Variants in CFAP44 observed in about 807,000 individuals in gnomAD.
The protein encoded by CFAP44 is cilia- and flagella-associated protein 44.
In CFAP44, 134 loss-of-function variants were observed where a neutral mutation model predicts 216.2. The observed-to-expected ratio is 0.62, with a 90% CI of 0.54 to 0.72. The LOEUF (loss-of-function observed/expected upper bound fraction) is 0.72, where lower values mean the gene tolerates loss of function less well. Ranked by LOEUF, CFAP44 falls within the 30% of genes least tolerant of loss-of-function variation. The probability of loss-of-function intolerance (pLI) is 0.00; values close to 1 mark genes in which losing one functional copy is unlikely to be tolerated. For synonymous variants in CFAP44, 700 were observed against 727.6 expected (o/e 0.96, Z 0.61); for missense variants, 2,035 against 2,182.1 (o/e 0.93, Z 1.34).
intron 17 of CFAP44, among the ~76,000 whole-genome samples, chr3:113,376,411 T>G (rs975812816): frequency 6.6e-6 from 1 of 152,188 alleles, no homozygotes; most frequent in Admixed American, 6.5e-5. Context: ...ATAAGTGATA[T>G]TTAAAGCCAT....
chr3:113,345,094 T>C (rs1187438209), intron 22 of CFAP44, among the ~76,000 whole-genome samples: 3 of 148,436 alleles, frequency 2.0e-5, no homozygotes, highest in Non-Finnish European at 4.5e-5. Flanking sequence ...TTATATATTA[T>C]GTATATATAT....
intron 28 of CFAP44, among the ~76,000 whole-genome samples, chr3:113,319,417 G>T (rs1950120865): frequency 6.6e-6 from 1 of 151,388 alleles, no homozygotes; most frequent in Non-Finnish European, 1.5e-5. Context: ...CCCAACATTG[G>T]AGCACCCAGA....
chr3:113,373,850 C>A (rs1559927754), intron 17 of CFAP44, among the ~76,000 whole-genome samples: 1 of 152,074 alleles, frequency 6.6e-6, no homozygotes, highest in Non-Finnish European at 1.5e-5. Context: ...CATTTTATTT[C>A]TTCAAGCATT....
chr3:113,298,829 C>T (rs941619155), intron 32 of CFAP44, among the ~76,000 whole-genome samples: 4 of 151,936 alleles, frequency 2.6e-5, no homozygotes, highest in African/African-American at 7.3e-5. Context: ...TTTCCTGGAG[C>T]GGAGGGAGAG....
At chr3:113,424,639 C>A (rs1056752899) in intron 4 of CFAP44, among the ~76,000 whole-genome samples, 4 of 152,136 alleles carry the variant, frequency 2.6e-5, no homozygotes, top group African/African-American at 9.7e-5. Context: ...GCCATCCCAG[C>A]AAGGCAGAAT....
At chr3:113,357,022 T>C (rs183662849) in intron 22 of CFAP44, among the ~76,000 whole-genome samples, 82 of 152,250 alleles carry the variant, frequency 5.4e-4, no homozygotes, top group Admixed American at 3.9e-4. Context: ...CCAGAAGATA[T>C]ACATAATTCC....
At chr3:113,349,317 G>A (rs1466428683) in intron 22 of CFAP44, among the ~76,000 whole-genome samples, 1 of 152,172 alleles carries the variant, frequency 6.6e-6, no homozygotes, top group Non-Finnish European at 1.5e-5. Context: ...TCAGGAGAAA[G>A]CTCCAAAAGC....
chr3:113,341,957 A>AT, intron 23 of CFAP44, 39 bp from the exon 24 acceptor site: 1 of 1,481,630 alleles, frequency 6.7e-7, no homozygotes, highest in South Asian at 1.4e-5. Flanking sequence ...TTTTTGAGAC[A>AT]TAAAAACAAA....
rs999650467 is a variant in CFAP44, at chr3:113,426,381, G to A, written c.254-104C>T. On this transcript the variant is annotated intron_variant, in intron 3 of 34. Coordinates refer to ENST00000393845, the MANE Select transcript of CFAP44 (RefSeq NM_001164496.2). ...CCCATAATCTCCACATGTCATGGGA[G>A]AGACCTGGTAGGAGGTAATTGAATC... The A allele has an allele frequency of 2.6e-5, 33 of 1,274,364 alleles. No homozygotes were observed. The East Asian group carries it at 3.0e-4, about 11-fold the overall frequency. The allele number at this position is 1,274,364 out of a possible 1,614,324, so 78.9% of individuals were successfully genotyped here.
intron 22 of CFAP44, among the ~76,000 whole-genome samples, chr3:113,348,928 T>C (rs1235734550): frequency 6.6e-6 from 1 of 152,184 alleles, no homozygotes; most frequent in Non-Finnish European, 1.5e-5. Context: ...AATGCAGCTT[T>C]AGCTACAACC....
intron 17 of CFAP44, among the ~76,000 whole-genome samples, chr3:113,374,363 TTTTATTTATTTA>T (rs148186633): frequency 3.5e-4 from 51 of 146,764 alleles, no homozygotes; most frequent in African/African-American, 1.0e-3. Flanking sequence ...TGTCAATTTC[TTTTATTTATTTA>T]TTTATTTATT....
At chr3:113,383,075 A>G (rs2107339746) in intron 15 of CFAP44, among the ~76,000 whole-genome samples, 1 of 152,382 alleles carries the variant, frequency 6.6e-6, no homozygotes, top group South Asian at 2.1e-4. Flanking sequence ...ATAGGCAAAT[A>G]TAAAGTAGTT....
intron 24 of CFAP44, among the ~76,000 whole-genome samples, chr3:113,337,492 G>A (rs1950290906): frequency 6.6e-6 from 1 of 152,044 alleles, no homozygotes; most frequent in Non-Finnish European, 1.5e-5. Context: ...TAATTATAAT[G>A]TCTAAAATAA....
chr3:113,371,504 T>A lies in CFAP44; in HGVS notation c.2444+1907A>T, dbSNP rs2107324107. 2.0e-5 allele frequency among the ~76,000 whole-genome samples: 3 copies of A among 152,198 alleles called. No homozygotes were observed. The South Asian group carries it at 6.2e-4, about 32-fold the overall frequency. ...AAAGGATTCCCTATTTAATAAATGG[T>A]TCTGGGAAAACTGGCTAGCCATATG... On this transcript the variant is annotated intron_variant, in intron 18 of 34. Transcript: ENST00000393845.
intron 1 of CFAP44, among the ~76,000 whole-genome samples, chr3:113,439,469 G>T (rs376537096): frequency 1.3e-5 from 2 of 152,220 alleles, no homozygotes; most frequent in East Asian, 1.9e-4. Flanking sequence ...GTTGATCTTT[G>T]TAGCCAAGGA....
At chr3:113,401,396 C>G (rs1281710208) in intron 10 of CFAP44, 109 bp from the exon 11 acceptor site, 1 of 1,208,766 alleles carries the variant, frequency 8.3e-7, no homozygotes, top group African/African-American at 1.6e-5. Context: ...ATATCAAAAG[C>G]TCACATATAT....
At chr3:113,374,687 T>G (rs1170144197) in intron 17 of CFAP44, among the ~76,000 whole-genome samples, 1 of 152,218 alleles carries the variant, frequency 6.6e-6, no homozygotes, top group Non-Finnish European at 1.5e-5. Context: ...CAGGCTGGAA[T>G]GCAGTGGTGC....
chr3:113,404,128 A>G (rs959552881), intron 8 of CFAP44, 112 bp from the exon 9 acceptor site: 1 of 1,241,410 alleles, frequency 8.1e-7, no homozygotes. Context: ...TTGATTATAA[A>G]ATTTTTAAAT....
intron 32 of CFAP44, among the ~76,000 whole-genome samples, chr3:113,297,799 C>T (rs925959955): frequency 2.0e-5 from 3 of 152,192 alleles, no homozygotes; most frequent in Non-Finnish European, 4.4e-5. Flanking sequence ...ACCAGACTGT[C>T]CCCTAAGAGA....
Sources: allele counts gnomAD v4.1 joint callset (sites outside exome capture counted in the v4.1 genomes callset), GRCh38; gene constraint gnomAD v4.1.1; transcripts MANE v1.5; gene names NCBI Gene and HGNC (gene_info 2026-07-23, HGNC 2026-07-21).